The following PTPRR variants were observed in gnomAD, a reference collection of about 807,000 sequenced individuals.
PTPRR encodes receptor-type tyrosine-protein phosphatase R.
A neutral mutation model predicts 77.2 loss-of-function variants in PTPRR; 38 were observed. The observed-to-expected ratio is 0.49, with a 90% CI of 0.38 to 0.65. PTPRR has a LOEUF of 0.65. Among genes scored for constraint, PTPRR ranks in the 30% least tolerant of loss-of-function variants. The probability of loss-of-function intolerance (pLI) is 0.00; values close to 1 mark genes in which losing one functional copy is unlikely to be tolerated. For synonymous variants in PTPRR, 299 were observed against 283.1 expected (o/e 1.06, Z -0.57); for missense variants, 744 against 799.2 (o/e 0.93, Z 0.83).
intron 2 of PTPRR, among the ~76,000 whole-genome samples, chr12:70,823,466 T>G (rs1371033790): frequency 2.0e-5 from 3 of 152,202 alleles, no homozygotes; most frequent in Non-Finnish European, 2.9e-5. Flanking sequence ...TGAAACAGTG[T>G]CAGAATTATC....
At chr12:70,708,491 T>C (rs1474616805) in intron 6 of PTPRR, among the ~76,000 whole-genome samples, 5 of 152,064 alleles carry the variant, frequency 3.3e-5, no homozygotes, top group Non-Finnish European at 2.9e-5. Flanking sequence ...TAAAGTTACA[T>C]CCTATGTTAA....
At chr12:70,837,639 C>A (rs146321340) in intron 2 of PTPRR, among the ~76,000 whole-genome samples, 16 of 152,170 alleles carry the variant, frequency 1.1e-4, no homozygotes, top group African/African-American at 3.6e-4. Context: ...AGGTTTCATG[C>A]CCTCTCTGGG....
intron 8 of PTPRR, among the ~76,000 whole-genome samples, chr12:70,685,607 G>A (rs1887835706): frequency 6.6e-6 from 1 of 151,952 alleles, no homozygotes; most frequent in Non-Finnish European, 1.5e-5. Flanking sequence ...CTGAGATTGT[G>A]CCACTGCACT....
intron 6 of PTPRR, among the ~76,000 whole-genome samples, chr12:70,740,723 T>A (rs960983460): frequency 6.6e-6 from 1 of 152,186 alleles, no homozygotes; most frequent in Non-Finnish European, 1.5e-5. Context: ...GAAATTTATA[T>A]GACATGATCC....
At chr12:70,663,246 C>A (rs1445423556) in intron 10 of PTPRR, among the ~76,000 whole-genome samples, 2 of 152,238 alleles carry the variant, frequency 1.3e-5, no homozygotes, top group East Asian at 3.9e-4. Context: ...TCCTGAGGAG[C>A]TTTAAAAGAG....
chr12:70,653,478 G>T (rs989131018), intron 13 of PTPRR, among the ~76,000 whole-genome samples: 1 of 152,176 alleles, frequency 6.6e-6, no homozygotes, highest in Admixed American at 6.5e-5. Flanking sequence ...GGATTGGGGG[G>T]TAAAGAGAGG....
chr12:70,733,228 G>A (rs1889724145), intron 6 of PTPRR, among the ~76,000 whole-genome samples: 1 of 151,838 alleles, frequency 6.6e-6, no homozygotes, highest in Admixed American at 6.6e-5. Flanking sequence ...AAAATAATGA[G>A]AAATGAAAAT....
At chr12:70,822,703 C>A (rs1892037786) in intron 2 of PTPRR, among the ~76,000 whole-genome samples, 1 of 152,198 alleles carries the variant, frequency 6.6e-6, no homozygotes, top group African/African-American at 2.4e-5. Flanking sequence ...CTCTATCCAT[C>A]AATATCAAGG....
chr12:70,639,310 T>C (rs368161467), intron 13 of PTPRR, 33 bp from the exon 14 acceptor site: 1 of 1,602,336 alleles, frequency 6.2e-7, no homozygotes, highest in Non-Finnish European at 8.5e-7. Flanking sequence ...TAACTGATTT[T>C]GCTAAAATCT....
At chr12:70,783,412 C>T (rs1048684078) in intron 2 of PTPRR, among the ~76,000 whole-genome samples, 2 of 152,050 alleles carry the variant, frequency 1.3e-5, no homozygotes, top group Non-Finnish European at 2.9e-5. Flanking sequence ...GTCTCTGAAA[C>T]TCTCAGCAGA....
At chr12:70,877,069 C>CAGAACTTGAAATATTCGA (rs1893064032) in intron 2 of PTPRR, among the ~76,000 whole-genome samples, 1 of 152,134 alleles carries the variant, frequency 6.6e-6, no homozygotes, top group Non-Finnish European at 1.5e-5. Context: ...TAGTAAGCAG[C>CAGAACTTGAAATATTCGA]CAGCTTTCCA....
intron 2 of PTPRR, among the ~76,000 whole-genome samples, chr12:70,856,644 G>A (rs1284644439): frequency 6.6e-6 from 1 of 152,136 alleles, no homozygotes; most frequent in African/African-American, 2.4e-5. Flanking sequence ...CTAGAGCTAG[G>A]GATGTCAACT....
intron 2 of PTPRR, among the ~76,000 whole-genome samples, chr12:70,784,020 C>A (rs1891266484): frequency 6.6e-6 from 1 of 152,026 alleles, no homozygotes; most frequent in African/African-American, 2.4e-5. Context: ...CAGAGACAGG[C>A]ACTCCAAGCT....
chr12:70,689,189 C>T (rs1461062822), intron 8 of PTPRR, among the ~76,000 whole-genome samples: 1 of 151,728 alleles, frequency 6.6e-6, no homozygotes, highest in Non-Finnish European at 1.5e-5. Context: ...AATGTTCTCA[C>T]CACAAAAAAT....
At chr12:70,702,531 A>G (rs547753341) in intron 6 of PTPRR, among the ~76,000 whole-genome samples, 2 of 152,282 alleles carry the variant, frequency 1.3e-5, no homozygotes, top group African/African-American at 4.8e-5. Context: ...GACATTAAGA[A>G]ATATTACAGT....
intron 2 of PTPRR, among the ~76,000 whole-genome samples, chr12:70,834,874 T>C (rs1892274315): frequency 6.6e-6 from 1 of 152,176 alleles, no homozygotes; most frequent in Non-Finnish European, 1.5e-5. Context: ...TTGGAAGTAG[T>C]TGATGCTCAA....
intron 10 of PTPRR, among the ~76,000 whole-genome samples, chr12:70,671,722 A>G (rs1014453962): frequency 1.1e-4 from 17 of 152,246 alleles, no homozygotes; most frequent in Admixed American, 2.6e-4. Context: ...CCTTGCAGAT[A>G]CTGAATGGAG....
At chr12:70,913,531 G>A (rs1286605003) in intron 1 of PTPRR, among the ~76,000 whole-genome samples, 1 of 151,984 alleles carries the variant, frequency 6.6e-6, no homozygotes, top group East Asian at 1.9e-4. Context: ...AACTCTTTGA[G>A]CTCTTTAAAG....
intron 4 of PTPRR, among the ~76,000 whole-genome samples, chr12:70,755,671 C>T (rs1592735795): frequency 6.6e-6 from 1 of 152,020 alleles, no homozygotes; most frequent in South Asian, 2.1e-4. Flanking sequence ...CTTTCTAAGA[C>T]ATAGATAGAT....
Sources: allele counts gnomAD v4.1 joint callset (sites outside exome capture counted in the v4.1 genomes callset), GRCh38; gene constraint gnomAD v4.1.1; transcripts MANE v1.5; gene names NCBI Gene and HGNC (gene_info 2026-07-23, HGNC 2026-07-21).